CDH20: variants seen among roughly 807,000 people sequenced by gnomAD.
CDH20 encodes cadherin 20, also known as cadherin-20.
A neutral mutation model predicts 74.2 loss-of-function variants in CDH20; 29 were observed. The ratio of observed to expected loss-of-function variants is 0.39; its 90% CI spans 0.29 to 0.53. CDH20 has a LOEUF of 0.53. CDH20 is among the 20% of genes least tolerant of loss of function. CDH20 has a pLI of 0.69. For synonymous variants in CDH20, 469 were observed against 405.4 expected (o/e 1.16, Z -1.88); for missense variants, 988 against 1,048.3 (o/e 0.94, Z 0.79).
At chr18:61,430,487 C>G (rs1913218525) in intron 1 of CDH20, among the ~76,000 whole-genome samples, 1 of 152,108 alleles carries the variant, frequency 6.6e-6, no homozygotes, top group African/African-American at 2.4e-5. Context: ...TATTCTTTTT[C>G]CATACTGTAC....
chr18:61,432,122 C>T (rs1913275290), intron 1 of CDH20, among the ~76,000 whole-genome samples: 3 of 151,658 alleles, frequency 2.0e-5, no homozygotes, highest in African/African-American at 7.3e-5. Context: ...GTGGCGGGCG[C>T]CTGTAATCCC....
At position 61,533,816 on chromosome 18, in the gene CDH20, G is replaced by T. The variant is rs143601098; in HGVS notation, c.1272-2677G>T. Among the ~76,000 whole-genome samples, 676 of 152,210 alleles carry T rather than the reference G, an allele frequency of 4.4e-3. 6 individuals carry two copies. The highest frequency in any genetic ancestry group is 0.015 in the African/African-American group (637 of 41,524). On this transcript the variant is annotated intron_variant, in intron 7 of 11. Transcript: ENST00000262717. ...TTCTTGTATAAGGGGTCAGATAAGG[G>T]TCCATTTCCATTCTTCTGCATGTGG...
intron 2 of CDH20, among the ~76,000 whole-genome samples, chr18:61,492,803 TCTGA>T (rs1911005752): frequency 6.6e-6 from 1 of 152,222 alleles, no homozygotes; most frequent in Non-Finnish European, 1.5e-5. Flanking sequence ...GTCTGAAGCC[TCTGA>T]CTAAAACTAG....
intron 1 of CDH20, among the ~76,000 whole-genome samples, chr18:61,438,454 A>G (rs1475393203): frequency 6.6e-6 from 1 of 152,178 alleles, no homozygotes; most frequent in African/African-American, 2.4e-5. Context: ...GGCAGAGGTT[A>G]CCTTTAAAGA....
At chr18:61,468,894 G>A (rs1458453120) in intron 1 of CDH20, among the ~76,000 whole-genome samples, 1 of 152,094 alleles carries the variant, frequency 6.6e-6, no homozygotes, top group Non-Finnish European at 1.5e-5. Flanking sequence ...TTATGAATTT[G>A]TTTCCCCATT....
chr18:61,409,217 G>A (rs956741355), intron 1 of CDH20, among the ~76,000 whole-genome samples: 2 of 152,126 alleles, frequency 1.3e-5, no homozygotes, highest in Non-Finnish European at 2.9e-5. Context: ...CATAAACCAC[G>A]TAAGTCTTCC....
At chr18:61,525,964 A>ATTTTTT (rs1006282537) in intron 6 of CDH20, among the ~76,000 whole-genome samples, 21 of 84,362 alleles carry the variant, frequency 2.5e-4, no homozygotes, top group Non-Finnish European at 4.0e-4. Context: ...CACCCAGCTA[A>ATTTTTT]TTTTTTTTTT....
intron 1 of CDH20, among the ~76,000 whole-genome samples, chr18:61,413,278 G>A (rs193242747): frequency 6.6e-6 from 1 of 152,226 alleles, no homozygotes; most frequent in African/African-American, 2.4e-5. Flanking sequence ...CTTCACACTA[G>A]GGGTTTTAGA....
At chr18:61,520,315 CAA>C (rs58685164) in intron 6 of CDH20, among the ~76,000 whole-genome samples, 1 of 122,042 alleles carries the variant, frequency 8.2e-6, no homozygotes, top group African/African-American at 3.2e-5. Context: ...GACTCCGTCT[CAA>C]AAAAAAAAAA....
intron 1 of CDH20, among the ~76,000 whole-genome samples, chr18:61,335,090 C>G (rs573925850): frequency 6.6e-6 from 1 of 152,106 alleles, no homozygotes; most frequent in Non-Finnish European, 1.5e-5. Context: ...TTTGAACCCA[C>G]GCTTATAGAT....
At chr18:61,471,083 G>C (rs1250123633) in intron 1 of CDH20, among the ~76,000 whole-genome samples, 7 of 152,142 alleles carry the variant, frequency 4.6e-5, no homozygotes, top group African/African-American at 1.7e-4. Flanking sequence ...GGTCATTTAA[G>C]AAAAGGCTGA....
intron 1 of CDH20, among the ~76,000 whole-genome samples, chr18:61,432,031 G>A (rs1306678316): frequency 6.6e-6 from 1 of 151,974 alleles, no homozygotes. Context: ...GAAGTAATGA[G>A]GTCCAGAGTT....
intron 9 of CDH20, among the ~76,000 whole-genome samples, chr18:61,543,999 AAT>A (rs1373096958): frequency 2.6e-5 from 4 of 152,236 alleles, no homozygotes; most frequent in African/African-American, 7.2e-5. Flanking sequence ...GTGGTGGAAG[AAT>A]ATATGTTATT....
At chr18:61,442,362 A>G (rs1254593896) in intron 1 of CDH20, among the ~76,000 whole-genome samples, 1 of 18,008 alleles carries the variant, frequency 5.6e-5, no homozygotes, top group Non-Finnish European at 1.9e-4. Flanking sequence ...AAAAAAAGAA[A>G]AAGAAAAGAA....
intron 2 of CDH20, among the ~76,000 whole-genome samples, chr18:61,497,207 A>AT (rs1911202098): frequency 6.6e-6 from 1 of 151,684 alleles, no homozygotes; most frequent in African/African-American, 2.4e-5. Context: ...GCCCACAACT[A>AT]TTTTTTCGGT....
chr18:61,358,190 C>G (rs1376262730), intron 1 of CDH20, among the ~76,000 whole-genome samples: 2 of 151,056 alleles, frequency 1.3e-5, no homozygotes, highest in African/African-American at 2.4e-5. Context: ...TGTCTGCTCA[C>G]TGCAAGCTCT....
intron 1 of CDH20, among the ~76,000 whole-genome samples, chr18:61,468,676 G>C (rs1234873289): frequency 1.3e-5 from 2 of 152,124 alleles, no homozygotes; most frequent in Non-Finnish European, 2.9e-5. Context: ...ATCGTGTCCA[G>C]GGAACTCGCC....
At chr18:61,528,568 C>A (rs1199007160) in intron 7 of CDH20, among the ~76,000 whole-genome samples, 1 of 151,800 alleles carries the variant, frequency 6.6e-6, no homozygotes, top group Non-Finnish European at 1.5e-5. Context: ...TGCACTGAAC[C>A]ATGTTTAGCA....
At chr18:61,513,661 C>T (rs561120553) in intron 6 of CDH20, among the ~76,000 whole-genome samples, 20 of 152,256 alleles carry the variant, frequency 1.3e-4, no homozygotes, top group African/African-American at 3.6e-4. Context: ...CCACATTTAG[C>T]GCTTCCTTCA....
Sources: gnomAD v4.1 joint callset for allele counts (sites outside exome capture counted in the v4.1 genomes callset) on GRCh38, gnomAD v4.1.1 for gene constraint, MANE v1.5 for transcripts, NCBI Gene and HGNC (gene_info 2026-07-23, HGNC 2026-07-21) for gene names.